SPECC1L: variants seen among roughly 807,000 people sequenced by gnomAD.
SPECC1L encodes cytospin-A.
SPECC1L carries 40 observed loss-of-function variants against 116.8 expected under a neutral mutation model. That is an observed-to-expected ratio of 0.34 (90% CI 0.27 to 0.45). The LOEUF (loss-of-function observed/expected upper bound fraction) is 0.45. SPECC1L is among the 20% of genes least tolerant of loss of function. SPECC1L has a pLI of 1.00. For synonymous variants in SPECC1L, 504 were observed against 500.6 expected, an observed-to-expected ratio of 1.01 and a Z score of -0.09; for missense variants, 1,110 against 1,373.6, an observed-to-expected ratio of 0.81 and a Z score of 3.03.
intron 13 of SPECC1L, among the ~76,000 whole-genome samples, chr22:24,367,430 T>G (rs979652239): frequency 4.6e-5 from 7 of 152,142 alleles, no homozygotes; most frequent in Admixed American, 2.6e-4. Flanking sequence ...GAGATTTTTT[T>G]TTTTGCAATT....
chr22:24,346,924 T>C (rs2041307987), intron 10 of SPECC1L, among the ~76,000 whole-genome samples, 162 bp from the exon 11 acceptor site: 1 of 152,190 alleles, frequency 6.6e-6, no homozygotes, highest in Admixed American at 6.5e-5. Flanking sequence ...AAAAAAAGTA[T>C]ATTGATCACA....
chr22:24,378,345 G>A, intron 14 of SPECC1L, among the ~76,000 whole-genome samples: 1 of 152,202 alleles, frequency 6.6e-6, no homozygotes, highest in East Asian at 1.9e-4. Context: ...TGTTGTAGCT[G>A]GTTTGATCTT....
intron 6 of SPECC1L, among the ~76,000 whole-genome samples, chr22:24,327,730 T>C (rs529575371): frequency 2.0e-5 from 3 of 152,336 alleles, no homozygotes; most frequent in African/African-American, 7.2e-5. Flanking sequence ...ATTTATAAAT[T>C]TATTCCATTT....
chr22:24,339,180 C>A (rs1174351007), intron 10 of SPECC1L, among the ~76,000 whole-genome samples: 5 of 152,196 alleles, frequency 3.3e-5, no homozygotes, highest in Non-Finnish European at 7.3e-5. Flanking sequence ...TTTGTCTTCT[C>A]AGGCTCCTTC....
intron 11 of SPECC1L, among the ~76,000 whole-genome samples, chr22:24,351,867 T>A (rs5996693): frequency 6.6e-6 from 1 of 152,158 alleles, no homozygotes. Context: ...GTGTCTTCAT[T>A]ACTGAAGTTT....
At chr22:24,302,564 G>T (rs2049402815) in intron 3 of SPECC1L, among the ~76,000 whole-genome samples, 180 bp downstream of exon 3, 1 of 152,154 alleles carries the variant, frequency 6.6e-6, no homozygotes, top group African/African-American at 2.4e-5. Flanking sequence ...CTGTCTTTTT[G>T]AATGAAACCA....
At chr22:24,414,426 T>C in intron 16 of SPECC1L, 108 bp from the exon 17 acceptor site, 1 of 891,318 alleles carries the variant, frequency 1.1e-6, no homozygotes, top group South Asian at 1.4e-5. Flanking sequence ...CTAGAAAATA[T>C]TTCAAGGCCC....
chr22:24,293,714 TTGATG>T (rs1188931179), intron 2 of SPECC1L, among the ~76,000 whole-genome samples: 1 of 139,928 alleles, frequency 7.1e-6, no homozygotes, highest in Non-Finnish European at 1.5e-5. Context: ...CTGTCATACT[TTGATG>T]CCAGTGGACA....
intron 14 of SPECC1L, among the ~76,000 whole-genome samples, chr22:24,383,101 G>A (rs1200328721): frequency 6.6e-6 from 1 of 152,160 alleles, no homozygotes; most frequent in African/African-American, 2.4e-5. Flanking sequence ...AAATATTCGA[G>A]GCCTTCGGTT....
At position 24,321,661 on chromosome 22, in the gene SPECC1L, G is replaced by T. The variant is rs779734399; in HGVS notation, c.681G>T (p.Glu227Asp). Residue 227 changes from glutamate to aspartate, a missense_variant, in exon 5 of 17, where the codon GAG becomes GAT. Glu to Asp is a conservative substitution (Grantham distance 45). Around this residue, in one of 4 missense-constraint regions of SPECC1L, gnomAD observed 437 missense variants for 482.6 expected, o/e 0.91. Transcript: ENST00000314328. ...EDHSEGDEKS[E>D]KETIMAHQPT... is the part of the protein sequence containing the mutation. ...ATTCTGAGGGTGATGAAAAATCTGA[G>T]AAGGAAACTATTATGGCTCACCAGC... 2 of 1,614,108 alleles carry T rather than the reference G, an allele frequency of 1.2e-6. No homozygotes were observed. The highest frequency in any genetic ancestry group is 1.7e-6 in the Non-Finnish European group (2 of 1,180,052).
rs148199850 is a variant in SPECC1L at position 24,309,280 on chromosome 22, A to G, written c.154-4033A>G. 4.1e-3 allele frequency among the ~76,000 whole-genome samples: 619 copies of G among 152,342 alleles called. 7 individuals are homozygous for G. The highest frequency in any genetic ancestry group is 0.014 in the African/African-American group (578 of 41,564). ...CACATCCTATAATTGTAATCCATTT[A>G]TCCAACACTGAAATACCTGGCTTCT... On this transcript the variant is annotated intron_variant, in intron 3 of 16. Transcript: ENST00000314328.
In SPECC1L at chr22:24,305,276, C is replaced by G. The variant is rs141295525; in HGVS notation, c.153+2892C>G. On this transcript the variant is annotated intron_variant, in intron 3 of 16. Transcript: ENST00000314328. ...CATGTCCTTCAGTCACCACCTAGTTCAAGAAACAGAACATATGTGCCCCTC... is the reference window on the plus strand; with the variant it reads ...CATGTCCTTCAGTCACCACCTAGTTGAAGAAACAGAACATATGTGCCCCTC... Among the ~76,000 whole-genome samples, 10 of 152,300 alleles carry G rather than the reference C, an allele frequency of 6.6e-5. No individual in the cohort carries two copies. In the East Asian group the frequency reaches 1.9e-3, roughly 29 times the overall value.
Position 24,274,657 on chromosome 22 carries a change from T to C in SPECC1L, c.-141-2043T>C, listed in dbSNP as rs369196544. On this transcript the variant is annotated intron_variant, in intron 1 of 16. Coordinates refer to ENST00000314328, the MANE Select transcript of SPECC1L (RefSeq NM_015330.6). Reference sequence around the variant, plus strand: ...TCTTTTCCAAACATCTTCATTGTGGTTCTGTCCTTTATTTTTTGGTTAAAT... The same window carrying C: ...TCTTTTCCAAACATCTTCATTGTGGCTCTGTCCTTTATTTTTTGGTTAAAT... Among the ~76,000 whole-genome samples, 196 of 152,354 alleles carry C rather than the reference T, an allele frequency of 1.3e-3. No individual in the cohort carries two copies. The Middle Eastern group carries it at 0.014, about 11-fold the overall frequency.
At chr22:24,363,402 A>G in intron 12 of SPECC1L, 58 bp downstream of exon 12, 1 of 1,431,066 alleles carries the variant, frequency 7.0e-7, no homozygotes, top group Non-Finnish European at 9.8e-7. Context: ...ACAGGATCTC[A>G]CTATGTTGCC....
intron 8 of SPECC1L, among the ~76,000 whole-genome samples, chr22:24,331,619 A>G (rs2040940799): frequency 6.6e-6 from 1 of 152,194 alleles, no homozygotes; most frequent in South Asian, 2.1e-4. Context: ...TGGTTCTCAG[A>G]GTGAGGCCTG....
intron 10 of SPECC1L, among the ~76,000 whole-genome samples, chr22:24,341,800 C>T (rs1042644014): frequency 2.0e-4 from 31 of 152,236 alleles, no homozygotes; most frequent in Non-Finnish European, 3.7e-4. Context: ...TCACTTAGAG[C>T]CACCTACTCC....
intron 10 of SPECC1L, among the ~76,000 whole-genome samples, chr22:24,342,409 G>T (rs141413818): frequency 0.034 from 5,131 of 152,246 alleles, 177 homozygotes; most frequent in African/African-American, 0.082. Context: ...GGTGACTCAC[G>T]CCTGTAATCC....
chr22:24,318,391 C>T (rs1244530424), intron 4 of SPECC1L, among the ~76,000 whole-genome samples: 6 of 152,134 alleles, frequency 3.9e-5, no homozygotes, highest in African/African-American at 1.4e-4. Flanking sequence ...CGTGGCGGCG[C>T]GCGCCTGCAA....
At chr22:24,283,694 A>G (rs2048989273) in intron 2 of SPECC1L, among the ~76,000 whole-genome samples, 1 of 152,200 alleles carries the variant, frequency 6.6e-6, no homozygotes, top group Non-Finnish European at 1.5e-5. Context: ...GAATGCATCT[A>G]CGCCTGGGGT....
Sources: allele counts gnomAD v4.1 joint callset (sites outside exome capture counted in the v4.1 genomes callset), GRCh38; gene constraint gnomAD v4.1.1; regional missense constraint gnomAD v4.1.1; transcripts MANE v1.5; gene names NCBI Gene and HGNC (gene_info 2026-07-23, HGNC 2026-07-21).